Variants in PIK3CG observed in about 807,000 individuals in gnomAD.
PIK3CG encodes phosphatidylinositol-4,5-bisphosphate 3-kinase catalytic subunit gamma.
Under a neutral mutation model 102.3 loss-of-function variants are expected in PIK3CG, and 55 were observed. The ratio of observed to expected loss-of-function variants is 0.54; its 90% CI spans 0.43 to 0.67. PIK3CG has a LOEUF of 0.67. PIK3CG is among the 30% of genes least tolerant of loss of function. The probability of loss-of-function intolerance (pLI) is 0.00; values close to 1 mark genes in which losing one functional copy is unlikely to be tolerated. For missense variants in PIK3CG, 1,258 were observed against 1,391.8 expected (o/e 0.90, Z 1.53); for synonymous variants, 552 against 540.0 (o/e 1.02, Z -0.31).
In PIK3CG at chr7:106,877,687, C is replaced by T. The variant is rs1044015282; in HGVS notation, c.2392-1832C>T. ...GCACCTTTGTCAAGTATCAACTGAC[C>T]GTATATGTGTGGGTCTACACCTAGA... On this transcript the variant is annotated intron_variant, in intron 5 of 10. Transcript: ENST00000496166. This position sits in a 1 kb window ranked among gnomAD's most constrained non-coding sequence, Gnocchi z 4.5. Among the ~76,000 whole-genome samples the T allele has an allele frequency of 1.3e-5, 2 of 151,984 alleles. No individual in the cohort carries two copies. The highest frequency in any genetic ancestry group is 2.1e-4 in the South Asian group (1 of 4,814).
rs1019173373 is a variant in PIK3CG at position 106,868,602 on chromosome 7, G to C, written c.1041G>C (p.Glu347Asp). The change falls in exon 2 of 11, where the codon GAG becomes GAC. Residue 347 changes from glutamate to aspartate, a missense_variant. By Grantham distance (45) the Glu-to-Asp change is conservative. Transcript: ENST00000496166. This position sits in a 1 kb window ranked among gnomAD's most constrained non-coding sequence, Gnocchi z 6.2. ...TTACCATCCACGGCAAGGACCACGA[G>C]AGTGTGTTCACCGTGTCCCTGTGGG... is the stretch of plus-strand genomic sequence containing the variant. Reference protein sequence around the residue: ...EQLTIHGKDHESVFTVSLWDC... With the variant: ...EQLTIHGKDHDSVFTVSLWDC... 6.2e-7 allele frequency: 1 copy of C among 1,614,098 alleles called. No individual in the cohort carries two copies. The highest frequency in any genetic ancestry group is 1.3e-5 in the African/African-American group (1 of 74,938).
rs849390 is a variant in PIK3CG, at chr7:106,868,542, T to C, written c.981T>C (p.Asp327=). 0.95 allele frequency: 1,532,219 copies of C among 1,613,764 alleles called. 727,896 individuals carry two copies. Among genetic ancestry groups the C allele is most frequent in the East Asian group, 1 (44,774 of 44,834 alleles). Residue 327 remains aspartate, a synonymous_variant, in exon 2 of 11, where the codon GAT becomes GAC. Transcript: ENST00000496166. The surrounding 1 kb of genome is among the most constrained non-coding windows in gnomAD (Gnocchi z 6.2). ...EVRKEEWPLV[D]DCTGVTGYHE... is the part of the protein sequence containing the mutation. Reference sequence around the variant, plus strand: ...GGAAGGAAGAGTGGCCACTGGTGGATGACTGCACGGGAGTCACCGGCTACC... The same window carrying C: ...GGAAGGAAGAGTGGCCACTGGTGGACGACTGCACGGGAGTCACCGGCTACC...
At position 106,906,818 on chromosome 7, in the gene PIK3CG, G is replaced by A. The variant is rs1791693545; in HGVS notation, c.*1431G>A. On this transcript the variant is annotated 3_prime_UTR_variant, in exon 11 of 11. Coordinates refer to ENST00000496166, the MANE Select transcript of PIK3CG (RefSeq NM_001282426.2). ...TAGATACCTGTTTGACTTTGAGGTA[G>A]TCCAGACCTTTTCTTTTTTTTTTTT... The A allele has an allele frequency of 9.5e-6, 2 of 210,128 alleles. No individual in the cohort carries two copies. The highest frequency in any genetic ancestry group is 2.0e-4 in the South Asian group (1 of 5,118). 13.0% of individuals were successfully genotyped at this position (210,128 alleles called of 1,614,324 possible).
intron 10 of PIK3CG, among the ~76,000 whole-genome samples, chr7:106,896,265 C>T (rs1207977331): frequency 1.3e-5 from 2 of 152,146 alleles, no homozygotes; most frequent in Admixed American, 6.6e-5. Flanking sequence ...GTTATAATAA[C>T]TTGGCCTCAG....
rs1260205852 is a variant in PIK3CG, at chr7:106,893,364, G to A, written c.3030+7072G>A. Among the ~76,000 whole-genome samples, 1 of 152,192 alleles carries A rather than the reference G, an allele frequency of 6.6e-6. No homozygotes were observed. Among genetic ancestry groups the A allele is most frequent in the Non-Finnish European group, 1.5e-5 (1 of 68,036 alleles). ...TGTTGGTGTGATATCTCCCCCATATGCAGACTTGTGCGGCTTGTCAAACTG... is the reference window on the plus strand; with the variant it reads ...TGTTGGTGTGATATCTCCCCCATATACAGACTTGTGCGGCTTGTCAAACTG... On this transcript the variant is annotated intron_variant, in intron 10 of 10. Coordinates refer to ENST00000496166, the MANE Select transcript of PIK3CG (RefSeq NM_001282426.2). This position sits in a 1 kb window ranked among gnomAD's most constrained non-coding sequence, Gnocchi z 4.4.
Position 106,907,668 on chromosome 7 carries a change from G to A in PIK3CG, c.*2281G>A, listed in dbSNP as rs1017756437. Among the ~76,000 whole-genome samples, 8 of 147,986 alleles carry A rather than the reference G, an allele frequency of 5.4e-5. No individual in the cohort carries two copies. Among genetic ancestry groups the A allele is most frequent in the African/African-American group, 1.7e-4 (7 of 40,618 alleles). ...GGAATACATTTATATTTAGCTTATT[G>A]GCACATGTGCATACATATTTCCTCT... On this transcript the variant is annotated 3_prime_UTR_variant, in exon 11 of 11. Transcript: ENST00000496166.
rs1161710013 is a variant in PIK3CG, at chr7:106,890,483, G to A, written c.3030+4191G>A. Reference sequence around the variant, plus strand: ...GGCGTGAGCCAGCGTGCCCAGCCCCGAATGTGTTGTTTTTTAAAATTTTAA... The same window carrying A: ...GGCGTGAGCCAGCGTGCCCAGCCCCAAATGTGTTGTTTTTTAAAATTTTAA... On this transcript the variant is annotated intron_variant, in intron 10 of 10. Transcript: ENST00000496166. This position sits in a 1 kb window ranked among gnomAD's most constrained non-coding sequence, Gnocchi z 4.2. Among the ~76,000 whole-genome samples, 2 of 152,208 alleles carry A rather than the reference G, an allele frequency of 1.3e-5. No individual in the cohort carries two copies. Among genetic ancestry groups the A allele is most frequent in the Non-Finnish European group, 2.9e-5 (2 of 68,032 alleles).
intron 10 of PIK3CG, among the ~76,000 whole-genome samples, chr7:106,887,897 A>G (rs1791147888): frequency 2.0e-5 from 3 of 149,414 alleles, no homozygotes; most frequent in African/African-American, 4.9e-5. Flanking sequence ...TAAAGATCAG[A>G]CATACGCAAG....
In PIK3CG at chr7:106,897,680, C is replaced by T. The variant is rs1256476998; in HGVS notation, c.3031-7429C>T. Among the ~76,000 whole-genome samples, 4 of 152,190 alleles carry T rather than the reference C, an allele frequency of 2.6e-5. No individual in the cohort carries two copies. Among genetic ancestry groups the T allele is most frequent in the Admixed American group, 1.3e-4 (2 of 15,276 alleles). ...GTTTGCTAAAGATAATAGCCCCCAG[C>T]TCCATCCATGTTCCCGCAAAAGACA... On this transcript the variant is annotated intron_variant, in intron 10 of 10. Transcript: ENST00000496166. This position sits in a 1 kb window ranked among gnomAD's most constrained non-coding sequence, Gnocchi z 4.6.
Position 106,868,272 on chromosome 7 carries a change from C to T in PIK3CG, c.711C>T (p.Pro237=), listed in dbSNP as rs138929870. Reference sequence around the variant, plus strand: ...CCAGCCAGACCATTAAGGTCTCACCCGACGACACCCCCGGCGCCATCCTGC... The same window carrying T: ...CCAGCCAGACCATTAAGGTCTCACCTGACGACACCCCCGGCGCCATCCTGC... The part of the protein sequence containing the change: ...STTSQTIKVS[P]DDTPGAILQS... Residue 237 remains proline, a synonymous_variant, in exon 2 of 11, where the codon CCC becomes CCT. Coordinates refer to ENST00000496166, the MANE Select transcript of PIK3CG (RefSeq NM_001282426.2). The surrounding 1 kb of genome is among the most constrained non-coding windows in gnomAD (Gnocchi z 6.2). The T allele has an allele frequency of 1.6e-4, 253 of 1,613,890 alleles. 1 individual carries two copies. In the African/African-American group the frequency reaches 3.1e-3, roughly 20 times the overall value.
Position 106,882,896 on chromosome 7 carries a change from C to T in PIK3CG, c.2630-137C>T, listed in dbSNP as rs1790983195. 8 of 701,982 alleles carry T rather than the reference C, an allele frequency of 1.1e-5. No individual in the cohort carries two copies. In the East Asian group the frequency reaches 2.1e-4, roughly 18 times the overall value. The allele number at this position is 701,982 out of a possible 1,614,324, so 43.5% of individuals were successfully genotyped here. A position where few individuals can be genotyped will look rare whatever the true frequency, so the allele number is the denominator to read the frequency against. ...CTCATAAGAAAACCAATAGCATAGA[C>T]CTGGAAAATAGCTCTCTGGTCAAAA... On this transcript the variant is annotated intron_variant, in intron 7 of 10. Coordinates refer to ENST00000496166, the MANE Select transcript of PIK3CG (RefSeq NM_001282426.2).
At position 106,867,552 on chromosome 7, in the gene PIK3CG, C is replaced by A. The variant is rs750273470; in HGVS notation, c.-10C>A. ...TCCCTGTGTCCCTCCGCTCCCAGGT[C>A]GCATAGGGCATGGAGCTGGAGAACT... On this transcript the variant is annotated splice_region_variant and 5_prime_UTR_variant, in exon 2 of 11. The change creates a premature stop within an existing upstream ORF in the 5' untranslated region. Transcript: ENST00000496166. The surrounding 1 kb of genome is among the most constrained non-coding windows in gnomAD (Gnocchi z 5.1). The A allele has an allele frequency of 6.5e-7, 1 of 1,535,526 alleles. No individual in the cohort carries two copies. Among genetic ancestry groups the A allele is most frequent in the South Asian group, 1.3e-5 (1 of 79,844 alleles).
At chr7:106,901,450 GT>G (rs1263976145) in intron 10 of PIK3CG, among the ~76,000 whole-genome samples, 3 of 152,076 alleles carry the variant, frequency 2.0e-5, no homozygotes, top group African/African-American at 7.2e-5. Context: ...TCATTCTTCA[GT>G]TCCTGCATCA....
Position 106,879,540 on chromosome 7 carries a change from G to A in PIK3CG, c.2413G>A (p.Ala805Thr), listed in dbSNP as rs1184325643. 2 of 1,613,436 alleles carry A rather than the reference G, an allele frequency of 1.2e-6. No homozygotes were observed. The highest frequency in any genetic ancestry group is 1.7e-5 in the Admixed American group (1 of 59,952). The change falls in exon 6 of 11, where the codon GCC becomes ACC. Residue 805 changes from alanine (A) to threonine (T), a missense_variant. Ala to Thr is a moderately conservative substitution (Grantham distance 58). This residue lies in a region of PIK3CG where 426 missense variants were observed against 604.2 expected (regional missense o/e 0.71). Transcript: ENST00000496166. The surrounding 1 kb of genome is among the most constrained non-coding windows in gnomAD (Gnocchi z 4.9). ...ACAGATTGAAAAATGTAAAGTAATG[G>A]CCTCCAAGAAAAAACCACTATGGCT... ...ALAIEKCKVMASKKKPLWLEF... is the reference protein window; with the variant it reads ...ALAIEKCKVMTSKKKPLWLEF...
intron 6 of PIK3CG, 52 bp from the exon 7 acceptor site, chr7:106,882,065 A>G: frequency 4.0e-6 from 3 of 744,172 alleles, no homozygotes; most frequent in Non-Finnish European, 5.7e-6. Context: ...GAAGAAAAAT[A>G]TATTAAGTTA....
rs905472320 is a variant in PIK3CG, at chr7:106,867,054, T to C, written c.-12-496T>C. On this transcript the variant is annotated intron_variant, in intron 1 of 10. Transcript: ENST00000496166. The surrounding 1 kb of genome is among the most constrained non-coding windows in gnomAD (Gnocchi z 5.1). ...CGTGTTGCACCTTGTAAACTGGGAC[T>C]TGAACCTTAACTGTACTATTTTAGT... Among the ~76,000 whole-genome samples the C allele has an allele frequency of 7.9e-5, 12 of 152,186 alleles. No individual in the cohort carries two copies. Among genetic ancestry groups the C allele is most frequent in the Non-Finnish European group, 1.5e-5 (1 of 68,030 alleles).
In PIK3CG at chr7:106,905,458, G is replaced by A. The variant is rs2116620873; in HGVS notation, c.*71G>A. 7.2e-7 allele frequency: 1 copy of A among 1,385,016 alleles called. No individual in the cohort carries two copies. The highest frequency in any genetic ancestry group is 1.0e-6 in the Non-Finnish European group (1 of 1,004,562). 85.8% of individuals were successfully genotyped at this position (1,385,016 alleles called of 1,614,324 possible). A position where few individuals can be genotyped will look rare whatever the true frequency, so the allele number is the denominator to read the frequency against. ...ATTAGCATAGCAATCATCGAACTTGGATTTCAAATGCAATAGACATTGTGA... is the reference window on the plus strand; with the variant it reads ...ATTAGCATAGCAATCATCGAACTTGAATTTCAAATGCAATAGACATTGTGA... On this transcript the variant is annotated 3_prime_UTR_variant, in exon 11 of 11. Transcript: ENST00000496166. This position sits in a 1 kb window ranked among gnomAD's most constrained non-coding sequence, Gnocchi z 5.6.
Position 106,899,002 on chromosome 7 carries a change from G to T in PIK3CG, c.3031-6107G>T, listed in dbSNP as rs1245197948. ...TTGACTCTTCCTATCCATGAGCATG[G>T]TATGTTTTTCCATTTGTTGGTGTCT... On this transcript the variant is annotated intron_variant, in intron 10 of 10. Transcript: ENST00000496166. The surrounding 1 kb of genome is among the most constrained non-coding windows in gnomAD (Gnocchi z 4.6). 6.6e-6 allele frequency among the ~76,000 whole-genome samples: 1 copy of T among 152,152 alleles called. No individual in the cohort carries two copies. Among genetic ancestry groups the T allele is most frequent in the Admixed American group, 6.6e-5 (1 of 15,266 alleles).
rs2116444354 is a variant in PIK3CG, at chr7:106,868,584, C to G, written c.1023C>G (p.Ile341Met). The G allele has an allele frequency of 6.2e-7, 1 of 1,614,208 alleles. No individual in the cohort carries two copies. The highest frequency in any genetic ancestry group is 8.5e-7 in the Non-Finnish European group (1 of 1,180,040). The change falls in exon 2 of 11, where the codon ATC becomes ATG. Residue 341 changes from isoleucine to methionine, a missense_variant. Physicochemically the swap from Ile to Met is conservative, Grantham distance 10. This residue lies in a region of PIK3CG where 832 missense variants were observed against 787.5 expected (regional missense o/e 1.06). Transcript: ENST00000496166. The surrounding 1 kb of genome is among the most constrained non-coding windows in gnomAD (Gnocchi z 6.2). ...GVTGYHEQLT[I>M]HGKDHESVFT... is the part of the protein sequence containing the mutation. ...CCGGCTACCATGAGCAGCTTACCAT[C>G]CACGGCAAGGACCACGAGAGTGTGT...
Sources: allele counts gnomAD v4.1 joint callset (sites outside exome capture counted in the v4.1 genomes callset), GRCh38; gene constraint gnomAD v4.1.1; regional missense constraint gnomAD v4.1.1; non-coding constraint Gnocchi (gnomAD v3.1); transcripts MANE v1.5; gene names NCBI Gene and HGNC (gene_info 2026-07-23, HGNC 2026-07-21).